The following UGT1A5 variants were observed in gnomAD, a reference collection of about 807,000 sequenced individuals.
UGT1A5 encodes UDP glucuronosyltransferase family 1 member A5, also known as UDP-glucuronosyltransferase 1A5.
Under a neutral mutation model 40.3 loss-of-function variants are expected in UGT1A5, and 29 were observed. The ratio of observed to expected loss-of-function variants is 0.72; its 90% confidence interval spans 0.54 to 0.98. UGT1A5 has a LOEUF of 0.98. UGT1A5 is among the 50% of genes least tolerant of loss of function. UGT1A5 has a pLI of 0.00. For synonymous variants in UGT1A5, 257 were observed against 262.5 expected (o/e 0.98, Z 0.20); for missense variants, 678 against 677.9 (o/e 1.00, Z 0.00).
chr2:233,744,032 T>C, intron 1 of UGT1A5: 1 of 835,228 alleles, frequency 1.2e-6, no homozygotes, highest in African/African-American at 1.8e-5. Context: ...ACGCCCCTTA[T>C]GACGCAGCCA....
At chr2:233,759,591 C>T (rs984696431) in intron 1 of UGT1A5, among the ~76,000 whole-genome samples, 2 of 147,100 alleles carry the variant, frequency 1.4e-5, no homozygotes, top group Non-Finnish European at 3.0e-5. Context: ...GCACGCCCCC[C>T]ACCCCCGACC....
intron 1 of UGT1A5, among the ~76,000 whole-genome samples, chr2:233,740,158 G>A (rs2125827659): frequency 6.6e-6 from 1 of 151,948 alleles, no homozygotes; most frequent in East Asian, 1.9e-4. Flanking sequence ...GGCCTCCCCA[G>A]TCATGTGGAA....
Position 233,767,047 on chromosome 2 carries a change from A to G in UGT1A5, c.881A>G (p.Tyr294Cys). Residue 294 changes from tyrosine to cysteine, a missense_variant, in exon 2 of 5, where the codon TAC (tyrosine) becomes TGC (cysteine). Physicochemically the swap from Tyr to Cys is radical, Grantham distance 194. Coordinates refer to ENST00000373414, the MANE Select transcript of UGT1A5 (RefSeq NM_019078.2). The stretch of plus-strand genomic sequence containing the variant: ...TTCTGGCTCTAGGAATTTGAAGCCT[A>G]CATTAATGCTTCTGGAGAACATGGA... Reference protein sequence around the residue: ...GKPLSQEFEAYINASGEHGIV... With the variant: ...GKPLSQEFEACINASGEHGIV... The G allele has an allele frequency of 6.2e-7, 1 of 1,614,154 alleles. No homozygotes were observed. The highest frequency in any genetic ancestry group is 8.5e-7 in the Non-Finnish European group (1 of 1,180,014).
chr2:233,757,537 T>TATATATACATATACATATAC (rs1472416448), intron 1 of UGT1A5, among the ~76,000 whole-genome samples: 1 of 107,778 alleles, frequency 9.3e-6, no homozygotes, highest in African/African-American at 4.7e-5. Flanking sequence ...CTGTAAGGAA[T>TATATATACATATACATATAC]ATATATATAT....
At chr2:233,747,351 G>A (rs1693640886) in intron 1 of UGT1A5, 1 of 1,603,176 alleles carries the variant, frequency 6.2e-7, no homozygotes, top group Non-Finnish European at 8.5e-7. Context: ...CATGCGGGAG[G>A]CCGTGCGGGA....
chr2:233,755,215 T>TA (rs1473276470), intron 1 of UGT1A5: 1 of 1,037,208 alleles, frequency 9.6e-7, no homozygotes, highest in Admixed American at 1.9e-5. Context: ...GCCTTCTTGA[T>TA]ACCCTCGGAC....
Position 233,760,394 on chromosome 2 carries a change from A to G in UGT1A5, c.868-6640A>G, listed in dbSNP as rs1244863017. On this transcript the variant is annotated intron_variant, in intron 1 of 4. Coordinates refer to ENST00000373414, the MANE Select transcript of UGT1A5 (RefSeq NM_019078.2). ...GGGAAGATACTGTTGATCCCAGTGG[A>G]TGGCAGCCACTGGCTGAGCATGCTT... 2.5e-6 allele frequency: 4 copies of G among 1,614,048 alleles called. No individual in the cohort carries two copies. Among genetic ancestry groups the G allele is most frequent in the African/African-American group, 1.3e-5 (1 of 74,926 alleles).
intron 1 of UGT1A5, among the ~76,000 whole-genome samples, chr2:233,751,287 T>G (rs1462877412): frequency 6.6e-6 from 1 of 151,922 alleles, no homozygotes; most frequent in Admixed American, 6.5e-5. Context: ...GTTTCTCCCA[T>G]TTGGAATGGG....
At chr2:233,772,226 G>C (rs1559419626) in intron 4 of UGT1A5, 36 bp from the exon 5 acceptor site, 2 of 1,613,458 alleles carry the variant, frequency 1.2e-6, no homozygotes, top group Non-Finnish European at 1.7e-6. Context: ...CATACCACAG[G>C]TGTTCCAGGC....
At chr2:233,770,116 A>G (rs557135570) in intron 4 of UGT1A5, 1 of 152,452 alleles carries the variant, frequency 6.6e-6, no homozygotes, top group Admixed American at 6.5e-5. Flanking sequence ...CCTAAGAACA[A>G]CTTGGTGAAA....
At chr2:233,729,993 G>C in intron 1 of UGT1A5, 4 of 1,613,886 alleles carry the variant, frequency 2.5e-6, no homozygotes, top group Non-Finnish European at 3.4e-6. Context: ...CACTATCTCA[G>C]GTCTGTATTG....
At chr2:233,720,704 CTT>C (rs796417980) in intron 1 of UGT1A5, among the ~76,000 whole-genome samples, 9 of 139,144 alleles carry the variant, frequency 6.5e-5, no homozygotes, top group Non-Finnish European at 6.3e-5. Context: ...GGGAGCCATC[CTT>C]TTTTTTTTTT....
chr2:233,761,146 T>C lies in UGT1A5; in HGVS notation c.868-5888T>C, dbSNP rs1337384419. On this transcript the variant is annotated intron_variant, in intron 1 of 4. Coordinates refer to ENST00000373414, the MANE Select transcript of UGT1A5 (RefSeq NM_019078.2). ...CAACTGCCTTCACCAAAATCCACTATCCCAGGTGTGTATTGGAGTGGGACT... is the reference window on the plus strand; with the variant it reads ...CAACTGCCTTCACCAAAATCCACTACCCCAGGTGTGTATTGGAGTGGGACT... 8.1e-6 allele frequency: 13 copies of C among 1,614,114 alleles called. No individual in the cohort carries two copies. The highest frequency in any genetic ancestry group is 4.0e-5 in the African/African-American group (3 of 74,946).
Position 233,772,326 on chromosome 2 carries a change from C to T in UGT1A5, c.1372C>T (p.Leu458=), listed in dbSNP as rs767264478. The stretch of plus-strand genomic sequence containing the variant: ...GGACCGCCCGGTGGAGCCGCTGGAC[C>T]TGGCCGTGTTCTGGGTGGAGTTTGT... ...HKDRPVEPLD[L]AVFWVEFVMR... The change falls in exon 5 of 5, where the codon CTG becomes TTG. Residue 458 remains leucine, a synonymous_variant. Coordinates refer to ENST00000373414, the MANE Select transcript of UGT1A5 (RefSeq NM_019078.2). 1 of 1,614,166 alleles carries T rather than the reference C, an allele frequency of 6.2e-7. No homozygotes were observed. The highest frequency in any genetic ancestry group is 2.2e-5 in the East Asian group (1 of 44,878).
chr2:233,767,427 G>A (rs1439996149), intron 2 of UGT1A5, among the ~76,000 whole-genome samples: 1 of 152,164 alleles, frequency 6.6e-6, no homozygotes, highest in Non-Finnish European at 1.5e-5. Context: ...GTGTATTAGG[G>A]AGAATTTATT....
rs150934066 is a variant in UGT1A5 at position 233,719,055 on chromosome 2, G to A, written c.867+5197G>A. On this transcript the variant is annotated intron_variant, in intron 1 of 4. Coordinates refer to ENST00000373414, the MANE Select transcript of UGT1A5 (RefSeq NM_019078.2). ...AGAAGAGAAATTTTTCACCCTGACA[G>A]CCTATGCTGTTCCATGGACCCAGAA... 2,523 of 1,614,284 alleles carry A rather than the reference G, an allele frequency of 1.6e-3. 2 individuals carry two copies. Among genetic ancestry groups the A allele is most frequent in the Non-Finnish European group, 1.9e-3 (2,220 of 1,180,048 alleles).
chr2:233,760,567 A>G (rs1697488656), intron 1 of UGT1A5: 5 of 1,614,130 alleles, frequency 3.1e-6, no homozygotes, highest in African/African-American at 2.7e-5. Context: ...GTCTTTTGTT[A>G]GTCTCGGGCA....
chr2:233,716,945 C>G (rs1559362074), intron 1 of UGT1A5, among the ~76,000 whole-genome samples: 1 of 152,182 alleles, frequency 6.6e-6, no homozygotes, highest in Non-Finnish European at 1.5e-5. Context: ...TCCTATTTCC[C>G]AGGCACCAGG....
intron 1 of UGT1A5, chr2:233,718,641 G>T: frequency 6.8e-7 from 1 of 1,475,748 alleles, no homozygotes; most frequent in Admixed American, 2.0e-5. Context: ...CCAGGGTTGG[G>T]CCCATAACGA....
Sources: allele counts gnomAD v4.1 joint callset (sites outside exome capture counted in the v4.1 genomes callset), GRCh38; gene constraint gnomAD v4.1.1; transcripts MANE v1.5; gene names NCBI Gene and HGNC (gene_info 2026-07-23, HGNC 2026-07-21).